Variants in PLCG2 observed in about 807,000 individuals in gnomAD.
The protein encoded by PLCG2 is phospholipase C gamma 2.
PLCG2 carries 69 observed loss-of-function variants against 175.6 expected under a neutral mutation model. That is an observed-to-expected ratio of 0.39 (90% confidence interval 0.32 to 0.48). The LOEUF (loss-of-function observed/expected upper bound fraction) is 0.48. Ranked by LOEUF, PLCG2 falls within the 20% of genes least tolerant of loss-of-function variation. The pLI is 0.91. For synonymous variants in PLCG2, 827 were observed against 624.0 expected (o/e 1.33, Z -4.85); for missense variants, 1,798 against 1,650.9 (o/e 1.09, Z -1.54).
intron 18 of PLCG2, among the ~76,000 whole-genome samples, chr16:81,912,276 G>C (rs997851035): frequency 3.3e-5 from 5 of 151,710 alleles, no homozygotes; most frequent in Non-Finnish European, 1.5e-5. Context: ...GTGTTGGCCA[G>C]GCTGGTCTCA....
intron 2 of PLCG2, among the ~76,000 whole-genome samples, chr16:81,853,100 G>C (rs745801137): frequency 2.6e-5 from 4 of 152,202 alleles, no homozygotes; most frequent in Non-Finnish European, 4.4e-5. Context: ...GGAGGCTGAG[G>C]TGGGCAGATC....
chr16:81,774,810 G>C (rs1431266772), upstream of PLCG2, among the ~76,000 whole-genome samples: 1 of 151,434 alleles, frequency 6.6e-6, no homozygotes, highest in African/African-American at 2.4e-5. Context: ...ACATGATCTC[G>C]GCTCACTGCC....
At chr16:81,911,396 C>T (rs572228012) in intron 18 of PLCG2, among the ~76,000 whole-genome samples, 8 of 152,268 alleles carry the variant, frequency 5.3e-5, no homozygotes, top group African/African-American at 1.9e-4. Context: ...CTGTGCCTCC[C>T]TGGGAGCCTG....
intron 7 of PLCG2, among the ~76,000 whole-genome samples, chr16:81,873,962 G>T (rs1376942684): frequency 6.6e-6 from 1 of 152,060 alleles, no homozygotes; most frequent in African/African-American, 2.4e-5. Context: ...ACATAAATTG[G>T]AATCAGAGTT....
intron 27 of PLCG2, 26 bp from the exon 28 acceptor site, chr16:81,937,732 C>A (rs541722735): frequency 6.2e-7 from 1 of 1,607,722 alleles, no homozygotes; most frequent in South Asian, 1.1e-5. Flanking sequence ...GCCTGACTTA[C>A]AGCAGGCGTT....
intron 1 of PLCG2, among the ~76,000 whole-genome samples, chr16:81,755,513 G>A (rs1373423593): frequency 6.6e-6 from 1 of 151,308 alleles, no homozygotes; most frequent in Non-Finnish European, 1.5e-5. Context: ...GCTTCAGCCT[G>A]TTTCTTTAAC....
At chr16:81,896,119 G>A (rs1390488901) in intron 13 of PLCG2, among the ~76,000 whole-genome samples, 192 bp downstream of exon 13, 2 of 152,144 alleles carry the variant, frequency 1.3e-5, no homozygotes, top group Non-Finnish European at 2.9e-5. Flanking sequence ...GGCCGAGAGT[G>A]CAAGTTGCTC....
At chr16:81,811,324 G>C (rs968632648) in intron 2 of PLCG2, among the ~76,000 whole-genome samples, 1 of 152,152 alleles carries the variant, frequency 6.6e-6, no homozygotes, top group Admixed American at 6.5e-5. Flanking sequence ...TCAGTTATGA[G>C]CACTTTGGTT....
At chr16:81,826,011 T>C (rs1010296078) in intron 2 of PLCG2, among the ~76,000 whole-genome samples, 43 of 152,184 alleles carry the variant, frequency 2.8e-4, no homozygotes, top group African/African-American at 1.0e-3. Flanking sequence ...TCTGGAAATG[T>C]TGTCTGGTCG....
At chr16:81,893,252 C>T (rs1908722976) in intron 11 of PLCG2, among the ~76,000 whole-genome samples, 1 of 152,172 alleles carries the variant, frequency 6.6e-6, no homozygotes, top group African/African-American at 2.4e-5. Flanking sequence ...GTGGATATGG[C>T]TCCTAGCATA....
At chr16:81,772,575 C>T (rs112434457) in intron 2 of PLCG2, among the ~76,000 whole-genome samples, 9 of 151,034 alleles carry the variant, frequency 6.0e-5, no homozygotes, top group East Asian at 1.9e-4. Context: ...TTTGGGAGGC[C>T]GAGGTGGGTG....
At chr16:81,772,081 G>T (rs904894661) in intron 2 of PLCG2, among the ~76,000 whole-genome samples, 1 of 152,090 alleles carries the variant, frequency 6.6e-6, no homozygotes, top group East Asian at 1.9e-4. Flanking sequence ...CTGGTGCAAG[G>T]CTGGAAATAG....
At chr16:81,824,036 TTCCTTTCCTTTCCTGTCCTGTCCTG>T (rs1353253391) in intron 2 of PLCG2, among the ~76,000 whole-genome samples, 34 of 63,230 alleles carry the variant, frequency 5.4e-4, no homozygotes, top group Admixed American at 1.2e-3. Context: ...TTCCTTTCCT[TTCCTTTCCTTTCCTGTCCTGTCCTG>T]TCCTGTCCTG....
chr16:81,776,797 C>T (rs772666319), upstream of PLCG2, among the ~76,000 whole-genome samples: 6 of 152,164 alleles, frequency 3.9e-5, no homozygotes, highest in Non-Finnish European at 7.3e-5. Context: ...TCAGGTAAGC[C>T]GCCTGCCTTG....
chr16:81,749,035 A>C (rs1447580974), intron 1 of PLCG2, among the ~76,000 whole-genome samples: 1 of 152,180 alleles, frequency 6.6e-6, no homozygotes, highest in African/African-American at 2.4e-5. Flanking sequence ...GTTTACTTCC[A>C]GGCTGTGGTG....
intron 2 of PLCG2, among the ~76,000 whole-genome samples, chr16:81,824,004 T>TTTTGC (rs1904926841): frequency 1.2e-5 from 1 of 85,836 alleles, no homozygotes; most frequent in Non-Finnish European, 2.4e-5. Flanking sequence ...TTCTTTTTCT[T>TTTTGC]TTTCCTTTCC....
intron 2 of PLCG2, among the ~76,000 whole-genome samples, chr16:81,853,338 A>AC (rs1003115279): frequency 6.6e-6 from 1 of 152,002 alleles, no homozygotes; most frequent in South Asian, 2.1e-4. Context: ...CTCAAAAAAA[A>AC]AAAACAAAAC....
At chr16:81,832,316 C>G (rs946990517) in intron 2 of PLCG2, among the ~76,000 whole-genome samples, 1 of 152,218 alleles carries the variant, frequency 6.6e-6, no homozygotes, top group African/African-American at 2.4e-5. Context: ...GAATAATCCT[C>G]AGATTAAGCA....
At chr16:81,923,775 T>A (rs1910152163) in intron 22 of PLCG2, among the ~76,000 whole-genome samples, 181 bp downstream of exon 22, 1 of 152,218 alleles carries the variant, frequency 6.6e-6, no homozygotes, top group Admixed American at 6.5e-5. Flanking sequence ...AGAAAATGGA[T>A]AAACAACAAT....
Sources: gnomAD v4.1 joint callset for allele counts (sites outside exome capture counted in the v4.1 genomes callset) on GRCh38, gnomAD v4.1.1 for gene constraint, MANE v1.5 for transcripts, NCBI Gene and HGNC (gene_info 2026-07-23, HGNC 2026-07-21) for gene names.